The following SNTA1 variants were observed in gnomAD, a reference collection of about 807,000 sequenced individuals.
SNTA1 encodes the protein syntrophin alpha 1.
In SNTA1, 31 loss-of-function variants were observed where a neutral mutation model predicts 47.1. The observed-to-expected ratio is 0.66, with a 90% CI of 0.49 to 0.89. SNTA1 has a LOEUF of 0.89. Among genes scored for constraint, SNTA1 ranks in the 40% least tolerant of loss-of-function variants. SNTA1 has a pLI of 0.00. For synonymous variants in SNTA1, 300 were observed against 313.6 expected (o/e 0.96, Z 0.46); for missense variants, 575 against 693.0 (o/e 0.83, Z 1.91).
At position 33,442,077 on chromosome 20, in the gene SNTA1, G is replaced by A. The variant is rs189588929; in HGVS notation, c.310+1234C>T. ...CAGCACTGACACTCACTATGTAATC[G>A]TGGGAAAATCATTTTAACTTTCTGA... On this transcript the variant is annotated intron_variant, in intron 1 of 7. Transcript: ENST00000217381. 7.2e-5 allele frequency among the ~76,000 whole-genome samples: 11 copies of A among 152,246 alleles called. No homozygotes were observed. The East Asian group carries it at 1.2e-3, about 16-fold the overall frequency.
chr20:33,407,979 G>T lies in SNTA1; in HGVS notation c.*528C>A. On this transcript the variant is annotated 3_prime_UTR_variant, in exon 8 of 8. Coordinates refer to ENST00000217381, the MANE Select transcript of SNTA1 (RefSeq NM_003098.3). ...ATACACTGGGCCGGGCTGCCTGTGT[G>T]CTCACAGGCTGTTTATTTATCCAAG... is the stretch of plus-strand genomic sequence containing the variant. 1 of 202,994 alleles carries T rather than the reference G, an allele frequency of 4.9e-6. No homozygotes were observed. The highest frequency in any genetic ancestry group is 1.0e-5 in the Non-Finnish European group (1 of 97,862). The allele number at this position is 202,994 out of a possible 1,614,324, so 12.6% of individuals were successfully genotyped here.
intron 2 of SNTA1, among the ~76,000 whole-genome samples, chr20:33,428,176 G>A (rs1309830362): frequency 6.6e-6 from 1 of 152,082 alleles, no homozygotes; most frequent in Non-Finnish European, 1.5e-5. Flanking sequence ...GGAGGCCGAT[G>A]GTGGGCAGAT....
At chr20:33,437,058 T>G (rs1990459018) in intron 2 of SNTA1, among the ~76,000 whole-genome samples, 1 of 146,516 alleles carries the variant, frequency 6.8e-6, no homozygotes, top group Non-Finnish European at 1.5e-5. Flanking sequence ...AGCTCAGGAG[T>G]TTGAGACCAG....
Position 33,424,105 on chromosome 20 carries a change from G to A in SNTA1, c.497-6182C>T, listed in dbSNP as rs1278142468. On this transcript the variant is annotated intron_variant, in intron 2 of 7. Coordinates refer to ENST00000217381, the MANE Select transcript of SNTA1 (RefSeq NM_003098.3). ...CGAGGCGAGTGGATCACCTGAGGTC[G>A]GGAGTTGGAGACCAGCCTGACCAAC... 7.3e-5 allele frequency among the ~76,000 whole-genome samples: 11 copies of A among 151,532 alleles called. No individual in the cohort carries two copies. In the South Asian group the frequency reaches 8.3e-4, roughly 11 times the overall value.
At chr20:33,413,314 A>G (rs1989792712) in intron 3 of SNTA1, among the ~76,000 whole-genome samples, 1 of 151,956 alleles carries the variant, frequency 6.6e-6, no homozygotes, top group African/African-American at 2.4e-5. Context: ...TTTTTAGTAG[A>G]GATGGGGTTT....
In SNTA1 at chr20:33,408,086, TCTC is replaced by T. The variant is rs781677739; in HGVS notation, c.*418_*420del. ...GCTGAGGGGAAAAACAAACAGAAAATCTCCTCTTCTTTCTCTTGCTGCTGACCC... is the reference window on the plus strand; with the variant it reads ...GCTGAGGGGAAAAACAAACAGAAAATCTCTTCTTTCTCTTGCTGCTGACCC... On this transcript the variant is annotated 3_prime_UTR_variant, in exon 8 of 8. Coordinates refer to ENST00000217381, the MANE Select transcript of SNTA1 (RefSeq NM_003098.3). 13 of 236,214 alleles carry T rather than the reference TCTC, an allele frequency of 5.5e-5. No individual in the cohort carries two copies. Among genetic ancestry groups the T allele is most frequent in the Non-Finnish European group, 8.5e-5 (10 of 117,034 alleles). The allele number at this position is 236,214 out of a possible 1,614,324, so 14.6% of individuals were successfully genotyped here.
At position 33,413,206 on chromosome 20, in the gene SNTA1, G is replaced by A. The variant is rs146107441; in HGVS notation, c.702-424C>T. ...GATGGGGTTTCACCATGTTGGCCAG[G>A]ATGGTCTCGATCTCCTGACCCCGTG... On this transcript the variant is annotated intron_variant, in intron 3 of 7. Coordinates refer to ENST00000217381, the MANE Select transcript of SNTA1 (RefSeq NM_003098.3). 6.7e-3 allele frequency among the ~76,000 whole-genome samples: 1,014 copies of A among 152,110 alleles called. 12 individuals are homozygous for A. The highest frequency in any genetic ancestry group is 0.023 in the African/African-American group (966 of 41,488).
At chr20:33,441,802 CA>C (rs1990585377) in intron 1 of SNTA1, among the ~76,000 whole-genome samples, 1 of 152,134 alleles carries the variant, frequency 6.6e-6, no homozygotes, top group African/African-American at 2.4e-5. Flanking sequence ...TGTCCATCTG[CA>C]GAATGGAATT....
At chr20:33,430,058 C>T (rs936823309) in intron 2 of SNTA1, among the ~76,000 whole-genome samples, 1 of 151,604 alleles carries the variant, frequency 6.6e-6, no homozygotes, top group Admixed American at 6.6e-5. Flanking sequence ...AAAAATATAC[C>T]ACCACATACC....
chr20:33,427,521 G>A (rs539386510), intron 2 of SNTA1, among the ~76,000 whole-genome samples: 29 of 152,214 alleles, frequency 1.9e-4, no homozygotes, highest in African/African-American at 7.0e-4. Context: ...CCTATAACAG[G>A]GATGACCAGC....
intron 3 of SNTA1, among the ~76,000 whole-genome samples, chr20:33,414,521 G>A (rs1468213410): frequency 2.0e-5 from 3 of 151,516 alleles, no homozygotes; most frequent in Non-Finnish European, 4.4e-5. Flanking sequence ...TTGAACCTGG[G>A]AAGCAGAGGT....
chr20:33,443,728 C>A lies in SNTA1; in HGVS notation c.-108G>T. The A allele has an allele frequency of 1.6e-6, 1 of 642,734 alleles. No homozygotes were observed. The highest frequency in any genetic ancestry group is 7.2e-5 in the South Asian group (1 of 13,840). The allele number at this position is 642,734 out of a possible 1,614,324, so 39.8% of individuals were successfully genotyped here. ...GGCAGCGGGGGCCCGGCTGGGCCAG[C>A]CGCCACCCTACCCCGGCCGCTGGGG... On this transcript the variant is annotated 5_prime_UTR_variant, in exon 1 of 8. Transcript: ENST00000217381.
In SNTA1 at chr20:33,418,792, C is replaced by CAAAA. The variant is rs760390793; in HGVS notation, c.497-873_497-870dup. 7.7e-4 allele frequency among the ~76,000 whole-genome samples: 44 copies of CAAAA among 57,442 alleles called. 2 individuals carry two copies. Among genetic ancestry groups the CAAAA allele is most frequent in the African/African-American group, 2.2e-3 (23 of 10,374 alleles). The allele number at this position is 57,442 out of a possible 152,430, so 37.7% of individuals were successfully genotyped here. On this transcript the variant is annotated intron_variant, in intron 2 of 7. Coordinates refer to ENST00000217381, the MANE Select transcript of SNTA1 (RefSeq NM_003098.3). ...TGGGTGACATAACAAGACTCTGTCT[C>CAAAA]AAAAAAAAAAAAAAAAAAAAAAAAA...
At position 33,413,202 on chromosome 20, in the gene SNTA1, C is replaced by T. The variant is rs142465220; in HGVS notation, c.702-420G>A. ...TAGAGATGGGGTTTCACCATGTTGG[C>T]CAGGATGGTCTCGATCTCCTGACCC... On this transcript the variant is annotated intron_variant, in intron 3 of 7. Transcript: ENST00000217381. 1.2e-3 allele frequency among the ~76,000 whole-genome samples: 189 copies of T among 152,152 alleles called. 4 individuals are homozygous for T. In the East Asian group the frequency reaches 0.031, roughly 25 times the overall value.
At chr20:33,412,206 G>T in intron 5 of SNTA1, 90 bp downstream of exon 5, 1 of 1,415,474 alleles carries the variant, frequency 7.1e-7, no homozygotes, top group Non-Finnish European at 9.6e-7. Flanking sequence ...GCTGAGGGTG[G>T]ACAGGGCTGG....
rs141844806 is a variant in SNTA1 at position 33,410,292 on chromosome 20, G to A, written c.1080C>T (p.Tyr360=). The stretch of plus-strand genomic sequence containing the variant: ...GCAGGGCAAAAGAGAGCTCTGCATC[G>A]TAGGGCACTGAGCCCTTGGAGGGGC... ...HSGPSKGSVP[Y]DAELSFALRT... Residue 360 remains tyrosine, a synonymous_variant, in exon 6 of 8, where the codon TAC becomes TAT. Coordinates refer to ENST00000217381, the MANE Select transcript of SNTA1 (RefSeq NM_003098.3). The A allele has an allele frequency of 4.6e-5, 74 of 1,610,680 alleles. No individual in the cohort carries two copies. Among genetic ancestry groups the A allele is most frequent in the African/African-American group, 4.3e-4 (32 of 74,972 alleles).
At chr20:33,437,423 G>A (rs1445449410) in intron 2 of SNTA1, among the ~76,000 whole-genome samples, 1 of 110,346 alleles carries the variant, frequency 9.1e-6, no homozygotes, top group African/African-American at 3.7e-5. Context: ...GCAAGACCCT[G>A]TCTCGAAAAA....
At chr20:33,410,490 TCTCCTGCCACC>T (rs1313113846) in intron 5 of SNTA1, among the ~76,000 whole-genome samples, 159 bp from the exon 6 acceptor site, 1 of 152,148 alleles carries the variant, frequency 6.6e-6, no homozygotes, top group African/African-American at 2.4e-5. Flanking sequence ...GCAGGAGACA[TCTCCTGCCACC>T]CTCCCCGTCA....
chr20:33,422,394 G>A (rs1248350547), intron 2 of SNTA1, among the ~76,000 whole-genome samples: 9 of 150,126 alleles, frequency 6.0e-5, no homozygotes, highest in African/African-American at 2.0e-4. Flanking sequence ...AGCTGAGATC[G>A]TGCCATTGCA....
Sources: gnomAD v4.1 joint callset for allele counts (sites outside exome capture counted in the v4.1 genomes callset) on GRCh38, gnomAD v4.1.1 for gene constraint, MANE v1.5 for transcripts, NCBI Gene and HGNC (gene_info 2026-07-23, HGNC 2026-07-21) for gene names.